MAPK8: variants seen among roughly 807,000 people sequenced by gnomAD.
MAPK8 encodes the protein JUN N-terminal kinase.
MAPK8 carries 13 observed loss-of-function variants against 52.9 expected under a neutral mutation model. The ratio of observed to expected loss-of-function variants is 0.25; its 90% CI spans 0.16 to 0.39. The LOEUF (loss-of-function observed/expected upper bound fraction) is 0.39, where lower values mean the gene tolerates loss of function less well. Ranked by LOEUF, MAPK8 falls within the 10% of genes least tolerant of loss-of-function variation. The pLI, the probability that MAPK8 is intolerant of heterozygous loss-of-function variation, is 1.00. For missense variants in MAPK8, 300 were observed against 519.2 expected (o/e 0.58, Z 4.10); for synonymous variants, 191 against 169.8 (o/e 1.12, Z -0.97).
intron 10 of MAPK8, chr10:48,430,570 G>A (rs751923724): frequency 6.6e-6 from 1 of 152,652 alleles, no homozygotes; most frequent in Non-Finnish European, 1.5e-5. Context: ...TGGTCTACTT[G>A]CTGTCCAGAA....
rs545998688 is a variant in MAPK8, at chr10:48,373,392, A to T, written c.-49-28220A>T. The stretch of plus-strand genomic sequence containing the variant: ...ATCAATTTCACACATAACAATATTA[A>T]CCTTAAGGGTAAACAGACTAAATGC... On this transcript the variant is annotated intron_variant, in intron 1 of 11. Transcript: ENST00000374189. Among the ~76,000 whole-genome samples, 43 of 151,994 alleles carry T rather than the reference A, an allele frequency of 2.8e-4. No individual in the cohort carries two copies. In the South Asian group the frequency reaches 8.7e-3, roughly 31 times the overall value.
intron 1 of MAPK8, among the ~76,000 whole-genome samples, chr10:48,339,744 G>A (rs1845052635): frequency 1.3e-5 from 2 of 152,182 alleles, no homozygotes; most frequent in Admixed American, 1.3e-4. Flanking sequence ...AAGTGGCAAA[G>A]GACATGAACA....
intron 1 of MAPK8, among the ~76,000 whole-genome samples, chr10:48,371,821 C>T (rs933287170): frequency 6.6e-5 from 10 of 152,142 alleles, no homozygotes; most frequent in Non-Finnish European, 1.2e-4. Flanking sequence ...TTCCCATGAT[C>T]CGCTCCTTGG....
chr10:48,368,112 A>T (rs1290092892), intron 1 of MAPK8, among the ~76,000 whole-genome samples: 1 of 152,248 alleles, frequency 6.6e-6, no homozygotes, highest in East Asian at 1.9e-4. Flanking sequence ...AATAAAAAGT[A>T]ATTTATCAAG....
intron 1 of MAPK8, among the ~76,000 whole-genome samples, chr10:48,325,185 A>G (rs1383296447): frequency 1.5e-4 from 23 of 152,118 alleles, no homozygotes. Flanking sequence ...CATATTGGCC[A>G]GGCTGGTCTC....
Position 48,315,484 on chromosome 10 carries a change from T to C in MAPK8, c.-50+8663T>C, listed in dbSNP as rs541718520. 5.9e-5 allele frequency among the ~76,000 whole-genome samples: 9 copies of C among 152,308 alleles called. No homozygotes were observed. In the South Asian group the frequency reaches 1.9e-3, roughly 32 times the overall value. Reference sequence around the variant, plus strand: ...TATAGAATAAGTGACAGCTTTATGATGTACCTTTATATCCAAGAATAGGAA... The same window carrying C: ...TATAGAATAAGTGACAGCTTTATGACGTACCTTTATATCCAAGAATAGGAA... On this transcript the variant is annotated intron_variant, in intron 1 of 11. Transcript: ENST00000374189.
intron 11 of MAPK8, among the ~76,000 whole-genome samples, chr10:48,432,859 C>T (rs1276444220): frequency 6.6e-6 from 1 of 152,166 alleles, no homozygotes. Context: ...TCAGTTATAG[C>T]TTGCAAAGAC....
At chr10:48,360,386 C>G (rs141060942) in intron 1 of MAPK8, among the ~76,000 whole-genome samples, 29 of 152,218 alleles carry the variant, frequency 1.9e-4, no homozygotes, top group Non-Finnish European at 3.7e-4. Context: ...TTTTTTATCA[C>G]CTAAAATAGT....
At position 48,326,666 on chromosome 10, in the gene MAPK8, A is replaced by G. The variant is rs1843554034; in HGVS notation, c.-50+19845A>G. 3.3e-5 allele frequency among the ~76,000 whole-genome samples: 5 copies of G among 152,340 alleles called. No homozygotes were observed. In the South Asian group the frequency reaches 1.0e-3, roughly 32 times the overall value. On this transcript the variant is annotated intron_variant, in intron 1 of 11. Transcript: ENST00000374189. ...GAGATATAAGTATTTAATATTATAT[A>G]TCAGTATTTATATGTGCATAAATAT...
In MAPK8 at chr10:48,366,291, C is replaced by G. The variant is rs1848029968; in HGVS notation, c.-49-35321C>G. On this transcript the variant is annotated intron_variant, in intron 1 of 11. Coordinates refer to ENST00000374189, the MANE Select transcript of MAPK8 (RefSeq NM_001323329.2). ...AACCCCTAAGAACCTTTAAACTTAA[C>G]AAAGTTTATTTGAGCAGGAAAAAGG... 2.0e-5 allele frequency among the ~76,000 whole-genome samples: 3 copies of G among 151,818 alleles called. No homozygotes were observed. In the South Asian group the frequency reaches 6.2e-4, roughly 32 times the overall value.
At chr10:48,434,643 A>G (rs1213417292) in intron 11 of MAPK8, among the ~76,000 whole-genome samples, 2 of 152,230 alleles carry the variant, frequency 1.3e-5, no homozygotes, top group East Asian at 3.8e-4. Flanking sequence ...TCTTAAACTG[A>G]AAAACACATT....
chr10:48,402,780 A>C (rs552818228), intron 2 of MAPK8, among the ~76,000 whole-genome samples: 4 of 152,354 alleles, frequency 2.6e-5, no homozygotes, highest in African/African-American at 4.8e-5. Context: ...GGAGTCATGC[A>C]TAGGATTGGT....
intron 10 of MAPK8, among the ~76,000 whole-genome samples, chr10:48,429,011 AG>A (rs2043932126): frequency 6.6e-6 from 1 of 150,890 alleles, no homozygotes; most frequent in African/African-American, 2.4e-5. Flanking sequence ...TTTTTGAGAC[AG>A]GGTCTCACTG....
At chr10:48,340,121 A>C (rs1015246428) in intron 1 of MAPK8, among the ~76,000 whole-genome samples, 4 of 152,218 alleles carry the variant, frequency 2.6e-5, no homozygotes, top group Non-Finnish European at 5.9e-5. Context: ...TGCATGCAGC[A>C]CTATTCACAA....
At chr10:48,360,246 G>GA (rs1375779344) in intron 1 of MAPK8, among the ~76,000 whole-genome samples, 2 of 152,170 alleles carry the variant, frequency 1.3e-5, no homozygotes, top group Admixed American at 1.3e-4. Flanking sequence ...AAACTGAAAG[G>GA]AAAGTATACA....
chr10:48,408,566 G>A (rs1013943738), intron 3 of MAPK8, among the ~76,000 whole-genome samples: 6 of 152,218 alleles, frequency 3.9e-5, no homozygotes, highest in Admixed American at 2.0e-4. Context: ...GCATATCATG[G>A]AGGCTTTTGA....
At chr10:48,315,254 T>C (rs1191059596) in intron 1 of MAPK8, among the ~76,000 whole-genome samples, 1 of 152,220 alleles carries the variant, frequency 6.6e-6, no homozygotes, top group Non-Finnish European at 1.5e-5. Flanking sequence ...TTTTATTTTA[T>C]TGTGGTAAAA....
chr10:48,352,726 C>G (rs992091204), intron 1 of MAPK8, among the ~76,000 whole-genome samples: 2 of 152,184 alleles, frequency 1.3e-5, no homozygotes, highest in Non-Finnish European at 2.9e-5. Flanking sequence ...TGCACACACT[C>G]ACAACTCTTA....
intron 10 of MAPK8, chr10:48,429,872 C>T (rs934065241): frequency 6.6e-6 from 1 of 152,198 alleles, no homozygotes; most frequent in African/African-American, 2.4e-5. Context: ...AACACAGACT[C>T]CTTGAAATTC....
Sources: allele counts gnomAD v4.1 joint callset (sites outside exome capture counted in the v4.1 genomes callset), GRCh38; gene constraint gnomAD v4.1.1; transcripts MANE v1.5; gene names NCBI Gene and HGNC (gene_info 2026-07-23, HGNC 2026-07-21).